CNTLN: variants seen among roughly 807,000 people sequenced by gnomAD.
CNTLN encodes centlein, also known as centlein, centrosomal protein.
In CNTLN, 212 loss-of-function variants were observed where a neutral mutation model predicts 180.0. The ratio of observed to expected loss-of-function variants is 1.18; its 90% CI spans 1.05 to 1.32. The LOEUF is 1.32. Among genes scored for constraint, CNTLN ranks in the 40% most tolerant of loss-of-function variants. CNTLN has a pLI of 0.00. For missense variants in CNTLN, 2,095 were observed against 1,610.9 expected (o/e 1.30, Z -5.14); for synonymous variants, 722 against 563.1 (o/e 1.28, Z -3.99).
At chr9:17,301,635 A>G in intron 7 of CNTLN, 1 of 979,036 alleles carries the variant, frequency 1.0e-6, no homozygotes, top group Non-Finnish European at 1.2e-6. Flanking sequence ...TTAATTTTGT[A>G]GTTGTTTTAG....
intron 1 of CNTLN, among the ~76,000 whole-genome samples, chr9:17,140,436 TG>T (rs146689343): frequency 0.011 from 1,637 of 151,970 alleles, 24 homozygotes; most frequent in African/African-American, 0.037. Flanking sequence ...TATGAGGTAA[TG>T]GTTATGTTTT....
chr9:17,454,262 T>C (rs200429679), intron 18 of CNTLN, among the ~76,000 whole-genome samples: 2 of 152,388 alleles, frequency 1.3e-5, no homozygotes, highest in East Asian at 3.9e-4. Context: ...AAAAATTTTA[T>C]AGTGTTAAGT....
chr9:17,256,803 C>T (rs1826526788), intron 5 of CNTLN, among the ~76,000 whole-genome samples: 1 of 151,754 alleles, frequency 6.6e-6, no homozygotes, highest in Non-Finnish European at 1.5e-5. Context: ...TTTCACTGGC[C>T]TGTTTCGATA....
chr9:17,364,524 ACTT>A (rs1453853241), intron 12 of CNTLN, among the ~76,000 whole-genome samples: 10 of 151,976 alleles, frequency 6.6e-5, no homozygotes, highest in Non-Finnish European at 1.5e-5. Flanking sequence ...TATGTTTATC[ACTT>A]CTTTATCTTT....
chr9:17,273,223 A>G (rs1828070207), intron 5 of CNTLN, among the ~76,000 whole-genome samples: 1 of 152,154 alleles, frequency 6.6e-6, no homozygotes. Context: ...AGCTTTCAAG[A>G]ACTTTAGGTA....
chr9:17,511,588 A>C, the CNTLN span, among the ~76,000 whole-genome samples: 5 of 151,894 alleles, frequency 3.3e-5, no homozygotes, highest in Non-Finnish European at 7.4e-5. Flanking sequence ...GTCTGTCCTC[A>C]GTCCTTTGCC....
intron 5 of CNTLN, among the ~76,000 whole-genome samples, chr9:17,245,278 TTTG>T (rs531020494): frequency 8.1e-4 from 124 of 152,206 alleles, no homozygotes; most frequent in African/African-American, 2.4e-3. Flanking sequence ...GGGAAAGTCT[TTTG>T]TTTGAAGGAT....
chr9:17,295,550 C>T (rs1464717827), intron 6 of CNTLN, among the ~76,000 whole-genome samples: 2 of 152,060 alleles, frequency 1.3e-5, no homozygotes, highest in African/African-American at 4.8e-5. Flanking sequence ...TTGCATACCT[C>T]AGTTGCCGGT....
At chr9:17,454,066 G>T (rs1279548727) in intron 18 of CNTLN, among the ~76,000 whole-genome samples, 1 of 152,158 alleles carries the variant, frequency 6.6e-6, no homozygotes, top group Middle Eastern at 3.2e-3. Context: ...TACAAGGGGA[G>T]GGTATTGTAC....
At chr9:17,289,588 A>G (rs1345203480) in intron 6 of CNTLN, among the ~76,000 whole-genome samples, 1 of 132,754 alleles carries the variant, frequency 7.5e-6, no homozygotes, top group East Asian at 2.2e-4. Context: ...CTCCTGGATA[A>G]TATCCTGCAG....
At chr9:17,170,637 G>A (rs531810248) in intron 2 of CNTLN, among the ~76,000 whole-genome samples, 2 of 151,398 alleles carry the variant, frequency 1.3e-5, no homozygotes, top group South Asian at 2.1e-4. Context: ...CCTCAGCTTC[G>A]GAATTTGTTT....
intron 5 of CNTLN, among the ~76,000 whole-genome samples, chr9:17,238,423 C>A (rs1055943095): frequency 6.6e-6 from 1 of 152,160 alleles, no homozygotes; most frequent in Non-Finnish European, 1.5e-5. Flanking sequence ...CCAGCTTTCT[C>A]CCATGAAGCA....
chr9:17,424,126 T>C (rs957109482), intron 18 of CNTLN, among the ~76,000 whole-genome samples: 2 of 152,196 alleles, frequency 1.3e-5, no homozygotes, highest in African/African-American at 4.8e-5. Flanking sequence ...TCATTTATTA[T>C]TAAACTTAAT....
intron 1 of CNTLN, among the ~76,000 whole-genome samples, chr9:17,135,974 G>C (rs1303824988): frequency 6.6e-6 from 1 of 151,946 alleles, no homozygotes; most frequent in Non-Finnish European, 1.5e-5. Context: ...ATGATGCTTG[G>C]TACTTGTTTA....
chr9:17,347,396 C>T (rs1409806376), intron 12 of CNTLN, among the ~76,000 whole-genome samples: 1 of 152,152 alleles, frequency 6.6e-6, no homozygotes, highest in Non-Finnish European at 1.5e-5. Flanking sequence ...TGCTGGGGCA[C>T]AGTGGCTCAT....
At chr9:17,283,883 G>A (rs780741594) in intron 6 of CNTLN, among the ~76,000 whole-genome samples, 14 of 152,134 alleles carry the variant, frequency 9.2e-5, no homozygotes, top group Non-Finnish European at 1.8e-4. Flanking sequence ...TTCTGTTTAT[G>A]TGATGAATTA....
Position 17,135,109 on chromosome 9 carries a change from C to G in CNTLN, c.44C>G (p.Ala15Gly), listed in dbSNP as rs866556434. ...CCCTCACCGCACCCTTCGCCCCCAG[C>G]GCGACAGCTGGGCCCCAGGTCCCCA... ...SPPSPHPSPP[A>G]RQLGPRSPRV... The change falls in exon 1 of 26, where the codon GCG becomes GGG. Residue 15 changes from alanine (A) to glycine (G), a missense_variant. Coordinates refer to ENST00000380647, the MANE Select transcript of CNTLN (RefSeq NM_017738.4). 1.2e-6 allele frequency: 2 copies of G among 1,605,860 alleles called. No homozygotes were observed. The highest frequency in any genetic ancestry group is 1.7e-5 in the Admixed American group (1 of 59,256).
chr9:17,389,765 A>T (rs908553558), intron 14 of CNTLN, among the ~76,000 whole-genome samples: 1 of 152,140 alleles, frequency 6.6e-6, no homozygotes, highest in South Asian at 2.1e-4. Flanking sequence ...TGAAAATAAT[A>T]TATTAACATT....
chr9:17,299,602 A>G (rs1315286479), intron 7 of CNTLN: 4 of 985,264 alleles, frequency 4.1e-6, no homozygotes, highest in Admixed American at 6.2e-5. Context: ...AAGGACCTAG[A>G]TGATAGCAAG....
Sources: gnomAD v4.1 joint callset for allele counts (sites outside exome capture counted in the v4.1 genomes callset) on GRCh38, gnomAD v4.1.1 for gene constraint, MANE v1.5 for transcripts, NCBI Gene and HGNC (gene_info 2026-07-23, HGNC 2026-07-21) for gene names.